PMVK: variants seen among roughly 807,000 people sequenced by gnomAD.
PMVK encodes testis tissue sperm-binding protein Li 95mP.
PMVK carries 10 observed loss-of-function variants against 19.0 expected under a neutral mutation model. The observed-to-expected ratio is 0.53, with a 90% CI of 0.32 to 0.89. The LOEUF is 0.89. Among genes scored for constraint, PMVK ranks in the 40% least tolerant of loss-of-function variants. The pLI is 0.03. For missense variants in PMVK, 222 were observed against 251.1 expected (o/e 0.88, Z 0.78); for synonymous variants, 108 against 101.6 (o/e 1.06, Z -0.38).
chr1:154,934,432 T>C (rs1295044887), intron 1 of PMVK, among the ~76,000 whole-genome samples: 2 of 152,186 alleles, frequency 1.3e-5, no homozygotes, highest in African/African-American at 2.4e-5. Context: ...TCCTCGCACC[T>C]CAGCCTCCTG....
At chr1:154,935,053 C>G (rs543132777) in intron 1 of PMVK, among the ~76,000 whole-genome samples, 2 of 119,206 alleles carry the variant, frequency 1.7e-5, no homozygotes, top group Non-Finnish European at 3.3e-5. Flanking sequence ...AGCAAGACTC[C>G]GTCTCAAAAA....
intron 1 of PMVK, among the ~76,000 whole-genome samples, chr1:154,933,556 C>T (rs1435398811): frequency 7.2e-5 from 10 of 139,010 alleles, no homozygotes; most frequent in Non-Finnish European, 1.2e-4. Context: ...TGCAATGGCG[C>T]GATCTCGGCT....
rs772078376 is a variant in PMVK at position 154,936,676 on chromosome 1, G to A, written c.10C>T (p.Leu4=). Residue 4 remains leucine, a synonymous_variant, in exon 1 of 5, where the codon CTG becomes TTG. Transcript: ENST00000368467. The part of the protein sequence containing the change: MAP[L]GGAPRLVLLF... ...AGTACCAGCCGCGGGGCGCCTCCCA[G>A]CGGGGCCATGGGGCCGCCACGCCTC... The A allele has an allele frequency of 1.2e-6, 2 of 1,605,990 alleles. No individual in the cohort carries two copies. The highest frequency in any genetic ancestry group is 1.7e-6 in the Non-Finnish European group (2 of 1,176,852).
chr1:154,930,603 T>C (rs1009898822), intron 2 of PMVK, among the ~76,000 whole-genome samples: 7 of 132,734 alleles, frequency 5.3e-5, no homozygotes, highest in Non-Finnish European at 9.3e-5. Flanking sequence ...GTTTTGAAAG[T>C]GCTCCTGGGA....
At chr1:154,936,874 G>A (rs1654525886), upstream of PMVK, 1 of 587,238 alleles carries the variant, frequency 1.7e-6, no homozygotes, top group Non-Finnish European at 3.1e-6. Flanking sequence ...AAACAGATAT[G>A]GGGAGAAAAG....
chr1:154,938,098 G>A (rs1278916006), upstream of PMVK: 1 of 152,190 alleles, frequency 6.6e-6, no homozygotes, highest in Non-Finnish European at 1.5e-5. Flanking sequence ...TTAGCACTTC[G>A]TCATTCAACA....
intron 4 of PMVK, 29 bp downstream of exon 4, chr1:154,926,325 T>C: frequency 8.1e-6 from 13 of 1,603,730 alleles, no homozygotes; most frequent in Non-Finnish European, 1.0e-5. Flanking sequence ...GCCTGTGTCC[T>C]CCTGTGCCCT....
intron 3 of PMVK, among the ~76,000 whole-genome samples, chr1:154,927,644 G>A (rs953468546): frequency 4.9e-5 from 7 of 142,132 alleles, no homozygotes; most frequent in Non-Finnish European, 4.5e-5. Context: ...CCAAAGGTCC[G>A]CCCTGGGAAG....
At chr1:154,936,480 T>C in intron 1 of PMVK, 111 bp downstream of exon 1, 1 of 1,502,092 alleles carries the variant, frequency 6.7e-7, no homozygotes, top group South Asian at 1.3e-5. Flanking sequence ...TCCTCCTGCC[T>C]TGCAAACGGA....
chr1:154,935,218 G>T (rs1654466696), intron 1 of PMVK, among the ~76,000 whole-genome samples: 1 of 152,096 alleles, frequency 6.6e-6, no homozygotes, highest in African/African-American at 2.4e-5. Context: ...GGGTTTGGAG[G>T]TGAGGAGAAA....
At chr1:154,941,927 AGGAGCCTG>A in the PMVK span, among the ~76,000 whole-genome samples, 1 of 152,128 alleles carries the variant, frequency 6.6e-6, no homozygotes. Context: ...GGGTGGCTGA[AGGAGCCTG>A]GGAAGCAGGT....
intron 3 of PMVK, among the ~76,000 whole-genome samples, chr1:154,928,283 T>C (rs954224514): frequency 1.3e-5 from 2 of 151,928 alleles, no homozygotes; most frequent in Non-Finnish European, 2.9e-5. Context: ...CCAGAAGGAG[T>C]TCGACTGACT....
chr1:154,926,616 A>G, intron 3 of PMVK, 133 bp from the exon 4 acceptor site: 1 of 675,976 alleles, frequency 1.5e-6, no homozygotes, highest in East Asian at 2.7e-5. Flanking sequence ...GTCAGCAGCT[A>G]GACTCACTAT....
chr1:154,941,240 G>A (rs998619202), upstream of PMVK, among the ~76,000 whole-genome samples: 1 of 152,214 alleles, frequency 6.6e-6, no homozygotes, highest in Non-Finnish European at 1.5e-5. Context: ...AGCGGGGAAG[G>A]GGTTCACTGT....
At chr1:154,938,501 G>A (rs945999352), upstream of PMVK, among the ~76,000 whole-genome samples, 18 of 152,196 alleles carry the variant, frequency 1.2e-4, no homozygotes, top group African/African-American at 4.3e-4. Flanking sequence ...GGAGGCTGAG[G>A]CATGAGAACA....
upstream of PMVK, among the ~76,000 whole-genome samples, chr1:154,939,809 C>A (rs2101977662): frequency 6.6e-6 from 1 of 152,086 alleles, no homozygotes; most frequent in East Asian, 1.9e-4. Context: ...TGTGCCCAGG[C>A]TGGAAGTGCA....
At chr1:154,930,193 C>T (rs1654291391) in intron 2 of PMVK, among the ~76,000 whole-genome samples, 1 of 152,224 alleles carries the variant, frequency 6.6e-6, no homozygotes, top group Admixed American at 6.5e-5. Flanking sequence ...GGCACAGTGG[C>T]TCACGCCTGT....
chr1:154,938,718 G>A (rs1361101017), upstream of PMVK, among the ~76,000 whole-genome samples: 1 of 152,014 alleles, frequency 6.6e-6, no homozygotes, highest in Non-Finnish European at 1.5e-5. Context: ...CTCAGCATCC[G>A]CTTTGAGTCT....
chr1:154,932,434 A>T lies in PMVK; in HGVS notation c.96-19T>A. 6.3e-7 allele frequency: 1 copy of T among 1,582,100 alleles called. No homozygotes were observed. The highest frequency in any genetic ancestry group is 1.1e-5 in the South Asian group (1 of 87,780). ...TCCAAGTCTGCAGGACAGGGAGATC[A>T]GAATCCAGTTAGCCTAGAATTTCCA... On this transcript the variant is annotated intron_variant, in intron 1 of 4. Coordinates refer to ENST00000368467, the MANE Select transcript of PMVK (RefSeq NM_006556.4).
Sources: allele counts gnomAD v4.1 joint callset (sites outside exome capture counted in the v4.1 genomes callset), GRCh38; gene constraint gnomAD v4.1.1; transcripts MANE v1.5; gene names NCBI Gene and HGNC (gene_info 2026-07-23, HGNC 2026-07-21).